FCHSD2: variants seen among roughly 807,000 people sequenced by gnomAD.
The protein encoded by FCHSD2 is F-BAR and double SH3 domains protein 2.
FCHSD2 carries 38 observed loss-of-function variants against 108.1 expected under a neutral mutation model. The observed-to-expected ratio is 0.35, with a 90% CI of 0.27 to 0.46. The LOEUF is 0.46. FCHSD2 is among the 20% of genes least tolerant of loss of function. The probability of loss-of-function intolerance (pLI) is 1.00; values close to 1 mark genes in which losing one functional copy is unlikely to be tolerated. For missense variants in FCHSD2, 751 were observed against 897.8 expected, an observed-to-expected ratio of 0.84 and a Z score of 2.09; for synonymous variants, 279 against 314.7, an observed-to-expected ratio of 0.89 and a Z score of 1.20.
intron 2 of FCHSD2, among the ~76,000 whole-genome samples, chr11:73,105,079 T>C (rs1860310799): frequency 6.6e-6 from 1 of 152,216 alleles, no homozygotes; most frequent in Non-Finnish European, 1.5e-5. Context: ...GACTTGACAA[T>C]AACTCTATAA....
chr11:72,920,738 T>G (rs752619251), intron 9 of FCHSD2, among the ~76,000 whole-genome samples: 5 of 152,234 alleles, frequency 3.3e-5, no homozygotes, highest in Non-Finnish European at 7.3e-5. Flanking sequence ...AGTAAATACT[T>G]ATATACATAC....
At chr11:72,941,756 A>T (rs1402880438) in intron 8 of FCHSD2, among the ~76,000 whole-genome samples, 1 of 152,182 alleles carries the variant, frequency 6.6e-6, no homozygotes, top group Non-Finnish European at 1.5e-5. Flanking sequence ...GTATATACTG[A>T]TATAATCTTT....
At chr11:73,077,157 G>A (rs991677388) in intron 3 of FCHSD2, among the ~76,000 whole-genome samples, 8 of 148,560 alleles carry the variant, frequency 5.4e-5, no homozygotes, top group African/African-American at 1.5e-4. Flanking sequence ...ACGCTCATTC[G>A]TTCTACTTTC....
chr11:72,949,763 A>C (rs1856588746), intron 8 of FCHSD2, among the ~76,000 whole-genome samples: 1 of 152,216 alleles, frequency 6.6e-6, no homozygotes, highest in Non-Finnish European at 1.5e-5. Context: ...CATCTTGTTT[A>C]TCCATTCACT....
chr11:73,003,370 T>G (rs184875062), intron 4 of FCHSD2, among the ~76,000 whole-genome samples: 170 of 152,312 alleles, frequency 1.1e-3, no homozygotes, highest in Non-Finnish European at 1.9e-3. Flanking sequence ...GAATACATAG[T>G]AACAGCAGCA....
At chr11:73,090,922 A>G (rs1859941829) in intron 2 of FCHSD2, among the ~76,000 whole-genome samples, 1 of 152,120 alleles carries the variant, frequency 6.6e-6, no homozygotes, top group Admixed American at 6.5e-5. Context: ...ATCACGCTTC[A>G]TTCCCCTTTC....
intron 11 of FCHSD2, among the ~76,000 whole-genome samples, chr11:72,889,204 A>G (rs772682388): frequency 6.6e-6 from 1 of 151,514 alleles, no homozygotes; most frequent in East Asian, 2.0e-4. Flanking sequence ...CTTGTGATCC[A>G]CCCACCTCGG....
intron 3 of FCHSD2, among the ~76,000 whole-genome samples, chr11:73,039,351 C>G (rs752336180): frequency 3.3e-5 from 5 of 151,962 alleles, no homozygotes; most frequent in Non-Finnish European, 5.9e-5. Flanking sequence ...AATCCCATCT[C>G]TACTAAAAAT....
At chr11:72,881,390 A>C (rs1855083351) in intron 12 of FCHSD2, among the ~76,000 whole-genome samples, 2 of 152,214 alleles carry the variant, frequency 1.3e-5, no homozygotes, top group Non-Finnish European at 2.9e-5. Context: ...AAAAATAACA[A>C]GTGCTAGTGA....
At chr11:72,846,179 CTCT>C (rs1165651999) in intron 14 of FCHSD2, among the ~76,000 whole-genome samples, 1 of 149,110 alleles carries the variant, frequency 6.7e-6, no homozygotes, top group Non-Finnish European at 1.5e-5. Context: ...CCTCCTTTTG[CTCT>C]TTTTTTTTTT....
At chr11:72,909,357 A>T (rs1044353090) in intron 9 of FCHSD2, among the ~76,000 whole-genome samples, 2 of 152,078 alleles carry the variant, frequency 1.3e-5, no homozygotes, top group Non-Finnish European at 2.9e-5. Flanking sequence ...CCCAGGCTGG[A>T]GTGCAGTGGC....
At chr11:73,026,639 G>A (rs1858236168) in intron 3 of FCHSD2, among the ~76,000 whole-genome samples, 1 of 152,116 alleles carries the variant, frequency 6.6e-6, no homozygotes, top group Non-Finnish European at 1.5e-5. Flanking sequence ...AAGATCAGAA[G>A]GACAAATGAG....
At chr11:73,093,882 G>C (rs1396669485) in intron 2 of FCHSD2, among the ~76,000 whole-genome samples, 3 of 151,518 alleles carry the variant, frequency 2.0e-5, no homozygotes, top group African/African-American at 4.8e-5. Flanking sequence ...TGGGATTACA[G>C]GCGTGAGCCA....
At position 73,083,757 on chromosome 11, in the gene FCHSD2, A is replaced by T; in HGVS notation, c.120-17T>A. ...CTGAATGTCCTAAAAATACAAAGAA[A>T]AATTAATTACCAGAAGGATAACTTA... On this transcript the variant is annotated splice_polypyrimidine_tract_variant and intron_variant, in intron 2 of 19. Coordinates refer to ENST00000409418, the MANE Select transcript of FCHSD2 (RefSeq NM_014824.3). The T allele has an allele frequency of 1.4e-6, 2 of 1,471,380 alleles. No homozygotes were observed. The highest frequency in any genetic ancestry group is 1.2e-5 in the South Asian group (1 of 82,500). 91.1% of individuals were successfully genotyped at this position (1,471,380 alleles called of 1,614,324 possible). A position where few individuals can be genotyped will look rare whatever the true frequency, so the allele number is the denominator to read the frequency against.
At chr11:72,857,610 T>G (rs1861459892) in intron 13 of FCHSD2, among the ~76,000 whole-genome samples, 1 of 151,294 alleles carries the variant, frequency 6.6e-6, no homozygotes, top group Non-Finnish European at 1.5e-5. Context: ...AGCTAATTTT[T>G]GTATTTTTTT....
chr11:72,851,966 T>C lies in FCHSD2; in HGVS notation c.1309-2077A>G, dbSNP rs188446950. 4.6e-4 allele frequency among the ~76,000 whole-genome samples: 66 copies of C among 142,932 alleles called. 1 individual carries two copies. The East Asian group carries it at 0.015, about 31-fold the overall frequency. 93.8% of individuals were successfully genotyped at this position (142,932 alleles called of 152,430 possible). Reference sequence around the variant, plus strand: ...ATCACGGTTCATTGCAGTGTCAACCTCCTGGGCTCAAGCAATCTTCCTGCC... The same window carrying C: ...ATCACGGTTCATTGCAGTGTCAACCCCCTGGGCTCAAGCAATCTTCCTGCC... On this transcript the variant is annotated intron_variant, in intron 13 of 19. Coordinates refer to ENST00000409418, the MANE Select transcript of FCHSD2 (RefSeq NM_014824.3).
chr11:72,932,673 T>C (rs1856218478), intron 8 of FCHSD2, among the ~76,000 whole-genome samples: 1 of 152,210 alleles, frequency 6.6e-6, no homozygotes, highest in Non-Finnish European at 1.5e-5. Context: ...CTCTATTGTC[T>C]TTTTGCTTCA....
chr11:72,939,562 C>G (rs974247519), intron 8 of FCHSD2, among the ~76,000 whole-genome samples: 1 of 144,682 alleles, frequency 6.9e-6, no homozygotes, highest in Non-Finnish European at 1.5e-5. Context: ...AGAAAATTCT[C>G]TGGCTTATAG....
intron 2 of FCHSD2, among the ~76,000 whole-genome samples, chr11:73,089,267 T>C (rs1160092571): frequency 6.6e-6 from 1 of 152,014 alleles, no homozygotes; most frequent in Non-Finnish European, 1.5e-5. Context: ...ATGGATGCTA[T>C]AATAAAACAG....
Sources: gnomAD v4.1 joint callset for allele counts (sites outside exome capture counted in the v4.1 genomes callset) on GRCh38, gnomAD v4.1.1 for gene constraint, MANE v1.5 for transcripts, NCBI Gene and HGNC (gene_info 2026-07-23, HGNC 2026-07-21) for gene names.